EML5: variants seen among roughly 807,000 people sequenced by gnomAD.
EML5 encodes EMAP like 5, also known as echinoderm microtubule-associated protein-like 5.
In EML5, 120 loss-of-function variants were observed where a neutral mutation model predicts 250.0. The ratio of observed to expected loss-of-function variants is 0.48; its 90% confidence interval spans 0.41 to 0.56. The LOEUF is 0.56. Ranked by LOEUF, EML5 falls within the 20% of genes least tolerant of loss-of-function variation. The pLI, the probability that EML5 is intolerant of heterozygous loss-of-function variation, is 0.00. For synonymous variants in EML5, 771 were observed against 806.5 expected, an observed-to-expected ratio of 0.96 and a Z score of 0.75; for missense variants, 2,006 against 2,437.6, an observed-to-expected ratio of 0.82 and a Z score of 3.73.
chr14:88,618,932 T>C, intron 39 of EML5, 120 bp from the exon 40 acceptor site: 1 of 939,230 alleles, frequency 1.1e-6, no homozygotes, highest in Non-Finnish European at 1.5e-6. Context: ...CAAATAGATT[T>C]ACCTGTCAGA....
At chr14:88,654,976 A>G (rs2091812033) in intron 27 of EML5, among the ~76,000 whole-genome samples, 1 of 152,112 alleles carries the variant, frequency 6.6e-6, no homozygotes, top group Admixed American at 6.6e-5. Flanking sequence ...GGGTGCATAT[A>G]TATTTAGGAA....
intron 19 of EML5, 75 bp downstream of exon 19, chr14:88,687,141 C>T (rs1215221082): frequency 8.9e-7 from 1 of 1,126,064 alleles, no homozygotes; most frequent in Non-Finnish European, 1.3e-6. Flanking sequence ...ATGTGTTCCA[C>T]CTCAGTGATC....
intron 1 of EML5, among the ~76,000 whole-genome samples, chr14:88,789,260 T>G (rs964290190): frequency 6.6e-6 from 1 of 152,120 alleles, no homozygotes; most frequent in East Asian, 1.9e-4. Context: ...ATAGAATAAC[T>G]GGAGAATTTT....
At chr14:88,681,131 C>A (rs2092704949) in intron 21 of EML5, among the ~76,000 whole-genome samples, 1 of 151,920 alleles carries the variant, frequency 6.6e-6, no homozygotes, top group South Asian at 2.1e-4. Context: ...ATAAAAATGA[C>A]AATTATCAAA....
In EML5 at chr14:88,620,633, A is replaced by G; in HGVS notation, c.5375+121T>C. The G allele has an allele frequency of 1.3e-6, 1 of 779,514 alleles. No individual in the cohort carries two copies. The highest frequency in any genetic ancestry group is 4.0e-4 in the Middle Eastern group (1 of 2,502). 48.3% of individuals were successfully genotyped at this position (779,514 alleles called of 1,614,324 possible). A position where few individuals can be genotyped will look rare whatever the true frequency, so the allele number is the denominator to read the frequency against. Reference sequence around the variant, plus strand: ...ACAGCCATATTTTAGCATACAATTTATAATACGGGAAATGCTACAGGCCCT... The same window carrying G: ...ACAGCCATATTTTAGCATACAATTTGTAATACGGGAAATGCTACAGGCCCT... On this transcript the variant is annotated intron_variant, in intron 39 of 43. Transcript: ENST00000554922. The surrounding 1 kb of genome is among the most constrained non-coding windows in gnomAD (Gnocchi z 4.3).
intron 20 of EML5, among the ~76,000 whole-genome samples, 195 bp from the exon 21 acceptor site, chr14:88,682,226 A>C (rs2092728595): frequency 6.6e-6 from 1 of 152,152 alleles, no homozygotes; most frequent in South Asian, 2.1e-4. Flanking sequence ...TTAGCTCCAC[A>C]ATTACCATAT....
intron 1 of EML5, among the ~76,000 whole-genome samples, chr14:88,777,903 A>G (rs1195047075): frequency 6.6e-6 from 1 of 152,218 alleles, no homozygotes; most frequent in Admixed American, 6.5e-5. Context: ...TGAGCCTGGG[A>G]AGTCAAGGCT....
At position 88,649,909 on chromosome 14, in the gene EML5, T is replaced by C. The variant is rs1371641567; in HGVS notation, c.4019+3A>G. ...AAAATATTTTCTTTTATAAAACACT[T>C]ACCTTACTACTCCCTGCCTTCAAAA... On this transcript the variant is annotated splice_donor_region_variant and intron_variant, in intron 28 of 43. Coordinates refer to ENST00000554922, the MANE Select transcript of EML5 (RefSeq NM_183387.3). 2.7e-6 allele frequency: 4 copies of C among 1,492,532 alleles called. No individual in the cohort carries two copies. In the Admixed American group the frequency reaches 9.9e-5, roughly 37 times the overall value. 92.5% of individuals were successfully genotyped at this position (1,492,532 alleles called of 1,614,324 possible).
At chr14:88,734,374 T>C (rs1172405654) in intron 7 of EML5, among the ~76,000 whole-genome samples, 1 of 152,146 alleles carries the variant, frequency 6.6e-6, no homozygotes, top group Non-Finnish European at 1.5e-5. Flanking sequence ...ATTAAAATGA[T>C]AGATTTAGGC....
In EML5 at chr14:88,706,563, T is replaced by C. The variant is rs12887895; in HGVS notation, c.1658-137A>G. On this transcript the variant is annotated intron_variant, in intron 10 of 43. Coordinates refer to ENST00000554922, the MANE Select transcript of EML5 (RefSeq NM_183387.3). ...AATGGGAAAAATGCTGACTCAAAAA[T>C]TGAACAAATGAATGAATCTGTATCA... 0.17 allele frequency: 105,777 copies of C among 623,044 alleles called. 11,861 individuals carry two copies. The highest frequency in any genetic ancestry group is 0.48 in the East Asian group (15,226 of 31,396). The allele number at this position is 623,044 out of a possible 1,614,324, so 38.6% of individuals were successfully genotyped here.
chr14:88,618,011 T>TA (rs35255737), intron 41 of EML5: 240,432 of 291,650 alleles, frequency 0.82, 94,681 homozygotes, highest in African/African-American at 0.96. Context: ...TTGATTTCCT[T>TA]AAAAAAAAAA....
chr14:88,666,565 A>G (rs2092312900), intron 21 of EML5, among the ~76,000 whole-genome samples: 1 of 152,196 alleles, frequency 6.6e-6, no homozygotes, highest in African/African-American at 2.4e-5. Context: ...ATAGGCCATT[A>G]TTAAAGGTAG....
At chr14:88,700,605 C>T (rs1006637454) in intron 14 of EML5, among the ~76,000 whole-genome samples, 4 of 152,058 alleles carry the variant, frequency 2.6e-5, no homozygotes, top group Admixed American at 6.6e-5. Flanking sequence ...TACTGCAAAC[C>T]CATTACTCCA....
rs543724829 is a variant in EML5, at chr14:88,776,030, T to C, written c.197+16277A>G. ...TCTAAGACCATCAAGGTGGCACCTCTATGAGTCTGCAACAATTACAGCATT... is the reference window on the plus strand; with the variant it reads ...TCTAAGACCATCAAGGTGGCACCTCCATGAGTCTGCAACAATTACAGCATT... On this transcript the variant is annotated intron_variant, in intron 1 of 43. Transcript: ENST00000554922. 2.0e-5 allele frequency among the ~76,000 whole-genome samples: 3 copies of C among 152,342 alleles called. No homozygotes were observed. In the South Asian group the frequency reaches 6.2e-4, roughly 32 times the overall value.
chr14:88,765,565 C>CT (rs1220511443), intron 1 of EML5, among the ~76,000 whole-genome samples: 2 of 152,156 alleles, frequency 1.3e-5, no homozygotes, highest in African/African-American at 4.8e-5. Context: ...CATAATTAGA[C>CT]TGGGCCCATC....
rs180800944 is a variant in EML5 at position 88,717,454 on chromosome 14, G to C, written c.1188-2259C>G. On this transcript the variant is annotated intron_variant, in intron 8 of 43. Transcript: ENST00000554922. Reference sequence around the variant, plus strand: ...ATGTACCAGTCAAATCACTGATTTGGTTCCAACGTAAAAAACAAATAAGGC... The same window carrying C: ...ATGTACCAGTCAAATCACTGATTTGCTTCCAACGTAAAAAACAAATAAGGC... 2.6e-5 allele frequency among the ~76,000 whole-genome samples: 4 copies of C among 152,158 alleles called. No homozygotes were observed. In the East Asian group the frequency reaches 7.7e-4, roughly 29 times the overall value.
In EML5 at chr14:88,663,047, G is replaced by A. The variant is rs1205483853; in HGVS notation, c.3482C>T (p.Thr1161Ile). The change falls in exon 24 of 44, where the codon ACC becomes ATC. Residue 1161 changes from threonine to isoleucine, a missense_variant. By Grantham distance (89) the Thr-to-Ile change is moderately conservative. Transcript: ENST00000554922. ...TTGTCCTACCTCCACGCTGGGGATG[G>A]TTTGTTTTTTCCCTCTGGGAGCTTC... is the stretch of plus-strand genomic sequence containing the variant. ...FFEAPRGKKQ[T>I]IPSVEVEKIA... is the part of the protein sequence containing the mutation. 6.4e-7 allele frequency: 1 copy of A among 1,552,212 alleles called. No individual in the cohort carries two copies. The highest frequency in any genetic ancestry group is 2.4e-5 in the East Asian group (1 of 41,106).
At chr14:88,697,011 TA>T in intron 14 of EML5, 59 bp from the exon 15 acceptor site, 1 of 1,079,946 alleles carries the variant, frequency 9.3e-7, no homozygotes, top group Admixed American at 3.2e-5. Flanking sequence ...CCATATCTAC[TA>T]AAAGGAAATA....
At chr14:88,783,611 T>G (rs1403276173) in intron 1 of EML5, among the ~76,000 whole-genome samples, 5 of 152,144 alleles carry the variant, frequency 3.3e-5, no homozygotes, top group Non-Finnish European at 5.9e-5. Flanking sequence ...AGCAAGAAGA[T>G]ATAACAATTT....
Sources: gnomAD v4.1 joint callset for allele counts (sites outside exome capture counted in the v4.1 genomes callset) on GRCh38, gnomAD v4.1.1 for gene constraint, Gnocchi (gnomAD v3.1) non-coding constraint, MANE v1.5 for transcripts, NCBI Gene and HGNC (gene_info 2026-07-23, HGNC 2026-07-21) for gene names.